The following CROCC variants were observed in gnomAD, a reference collection of about 807,000 sequenced individuals.
CROCC encodes rootletin.
A neutral mutation model predicts 245.2 loss-of-function variants in CROCC; 180 were observed. The observed-to-expected ratio is 0.73, with a 90% CI of 0.65 to 0.83. The LOEUF is 0.83. Among genes scored for constraint, CROCC ranks in the 40% least tolerant of loss-of-function variants. CROCC has a pLI of 0.00. For missense variants in CROCC, 2,688 were observed against 2,779.4 expected (o/e 0.97, Z 0.74); for synonymous variants, 1,205 against 1,241.6 (o/e 0.97, Z 0.62).
At position 16,935,191 on chromosome 1, in the gene CROCC, C is replaced by G. The variant is rs77963961; in HGVS notation, c.957-1446C>G. Reference sequence around the variant, plus strand: ...CTGGGATTACAGGCATGAGCCACCACGCCTGGCCTATCAGTTTCTTAAGTG... The same window carrying G: ...CTGGGATTACAGGCATGAGCCACCAGGCCTGGCCTATCAGTTTCTTAAGTG... On this transcript the variant is annotated intron_variant, in intron 8 of 36. Transcript: ENST00000375541. 4.6e-5 allele frequency among the ~76,000 whole-genome samples: 7 copies of G among 152,342 alleles called. No individual in the cohort carries two copies. The South Asian group carries it at 8.3e-4, about 18-fold the overall frequency.
chr1:16,928,005 T>C (rs1330188498), intron 3 of CROCC, among the ~76,000 whole-genome samples: 3 of 152,258 alleles, frequency 2.0e-5, no homozygotes, highest in African/African-American at 4.8e-5. Flanking sequence ...TCTCTCAGCA[T>C]ATGGGGTCAA....
chr1:16,916,754 C>T (rs539041237), intron 1 of CROCC, among the ~76,000 whole-genome samples: 12 of 152,410 alleles, frequency 7.9e-5, no homozygotes, highest in African/African-American at 2.6e-4. Flanking sequence ...CTCAGGCAGT[C>T]CTCCTACCTT....
At chr1:16,955,202 A>G in intron 23 of CROCC, 110 bp from the exon 24 acceptor site, 1 of 993,536 alleles carries the variant, frequency 1.0e-6, no homozygotes, top group Non-Finnish European at 1.5e-6. Flanking sequence ...CGGTCTGAGC[A>G]CTGCAGAGGG....
rs750293462 is a variant in CROCC, at chr1:16,969,915, A to T, written c.5432A>T (p.Gln1811Leu). The T allele has an allele frequency of 1.3e-6, 2 of 1,599,116 alleles. No individual in the cohort carries two copies. The highest frequency in any genetic ancestry group is 2.3e-5 in the South Asian group (2 of 87,938). The change falls in exon 33 of 37, where the codon CAG becomes CTG. Residue 1811 changes from glutamine to leucine, a missense_variant. Physicochemically the swap from Gln to Leu is moderately radical, Grantham distance 113. This residue lies in a region of CROCC where 1,218 missense variants were observed against 1,286.3 expected (regional missense o/e 0.95). Coordinates refer to ENST00000375541, the MANE Select transcript of CROCC (RefSeq NM_014675.5). Reference protein sequence around the residue: ...LELQRVEAEGQLQQLREVLRQ... With the variant: ...LELQRVEAEGLLQQLREVLRQ... The stretch of plus-strand genomic sequence containing the variant: ...CTGCAGCGGGTGGAGGCCGAGGGCC[A>T]GCTACAACAGCTACGGGAGGTGAGG...
At chr1:16,936,010 GT>G (rs1392058647) in intron 8 of CROCC, among the ~76,000 whole-genome samples, 1 of 146,066 alleles carries the variant, frequency 6.8e-6, no homozygotes, top group African/African-American at 2.6e-5. Context: ...CACCAGCTGA[GT>G]AGGGGAGGGC....
chr1:16,916,842 G>T (rs1390358210), intron 1 of CROCC, among the ~76,000 whole-genome samples: 1 of 152,298 alleles, frequency 6.6e-6, no homozygotes, highest in Non-Finnish European at 1.5e-5. Context: ...TCTGGGCTGG[G>T]CGCAGTGGCT....
intron 1 of CROCC, among the ~76,000 whole-genome samples, chr1:16,915,093 C>CTTGGCTGAA (rs1195820680): frequency 6.6e-6 from 1 of 152,254 alleles, no homozygotes; most frequent in Non-Finnish European, 1.5e-5. Context: ...CCAAGTCTTT[C>CTTGGCTGAA]AGCCCTTTCC....
intron 2 of CROCC, among the ~76,000 whole-genome samples, chr1:16,923,133 A>C (rs2075447151): frequency 6.6e-6 from 1 of 152,276 alleles, no homozygotes; most frequent in Admixed American, 6.5e-5. Flanking sequence ...GGAAGAGGGC[A>C]GCTCAGCTCA....
intron 27 of CROCC, among the ~76,000 whole-genome samples, chr1:16,962,114 G>T (rs1349490216): frequency 6.6e-6 from 1 of 151,482 alleles, no homozygotes; most frequent in Non-Finnish European, 1.5e-5. Flanking sequence ...CCAAGCTGGA[G>T]TGCAGTAGCA....
At position 16,931,304 on chromosome 1, in the gene CROCC, A is replaced by G. The variant is rs958748343; in HGVS notation, c.863A>G (p.Tyr288Cys). Residue 288 changes from tyrosine to cysteine, a missense_variant, in exon 8 of 37, where the codon TAC becomes TGC. Physicochemically the swap from Tyr to Cys is radical, Grantham distance 194 (BLOSUM62 -2). Around this residue, in one of 9 missense-constraint regions of CROCC, gnomAD observed 972 missense variants for 895.3 expected, o/e 1.09. Coordinates refer to ENST00000375541, the MANE Select transcript of CROCC (RefSeq NM_014675.5). ...WRREEESFNAYFSNEHSRLLL... is the reference protein window; with the variant it reads ...WRREEESFNACFSNEHSRLLL... The stretch of plus-strand genomic sequence containing the variant: ...TCTTCCCTCCAGTCCTTCAACGCCT[A>G]CTTCAGCAACGAGCACAGTCGCCTG... The G allele has an allele frequency of 1.9e-6, 3 of 1,611,280 alleles. No individual in the cohort carries two copies. Among genetic ancestry groups the G allele is most frequent in the Non-Finnish European group, 2.5e-6 (3 of 1,178,162 alleles).
chr1:16,950,392 C>T (rs1041120212), intron 19 of CROCC, among the ~76,000 whole-genome samples: 2 of 151,670 alleles, frequency 1.3e-5, no homozygotes, highest in African/African-American at 4.9e-5. Context: ...GAGTCTCACT[C>T]TTGTTGCCCA....
chr1:16,943,908 A>G (rs545656314), intron 13 of CROCC, among the ~76,000 whole-genome samples, 192 bp from the exon 14 acceptor site: 1 of 152,388 alleles, frequency 6.6e-6, no homozygotes, highest in African/African-American at 2.4e-5. Context: ...AGAGAAGGAA[A>G]GCCAGGTTCT....
At chr1:16,943,231 A>G (rs1388914727) in intron 13 of CROCC, among the ~76,000 whole-genome samples, 2 of 147,914 alleles carry the variant, frequency 1.4e-5, no homozygotes, top group Non-Finnish European at 1.5e-5. Context: ...ACAGAGTGAG[A>G]TGCCGTCTAA....
At chr1:16,948,119 G>A (rs868266371) in intron 17 of CROCC, among the ~76,000 whole-genome samples, 9 of 152,280 alleles carry the variant, frequency 5.9e-5, no homozygotes, top group African/African-American at 2.2e-4. Context: ...ACGCACCACC[G>A]TACCTGGCTG....
intron 8 of CROCC, among the ~76,000 whole-genome samples, chr1:16,934,864 T>A (rs1411252484): frequency 6.6e-6 from 1 of 151,496 alleles, no homozygotes; most frequent in Non-Finnish European, 1.5e-5. Context: ...GGCCACCAAG[T>A]TACCATGAGA....
At chr1:16,953,644 C>T (rs377197506) in intron 21 of CROCC, 163 bp downstream of exon 21, 119,851 of 636,494 alleles carry the variant, frequency 0.19, 12,234 homozygotes, top group African/African-American at 0.31. Context: ...GAAGGGGGTT[C>T]GTGAGGCTTT....
chr1:16,921,334 T>C (rs1338072080), upstream of CROCC, among the ~76,000 whole-genome samples: 1 of 152,280 alleles, frequency 6.6e-6, no homozygotes, highest in South Asian at 2.1e-4. Flanking sequence ...CTAGGGCATT[T>C]GTAGTTCGAG....
intron 15 of CROCC, 28 bp downstream of exon 15, chr1:16,945,634 A>G (rs1457582891): frequency 1.2e-6 from 2 of 1,607,582 alleles, no homozygotes; most frequent in African/African-American, 1.3e-5. Flanking sequence ...GCACAACCAC[A>G]AACCTACCTC....
chr1:16,962,184 C>A (rs1223251108), intron 27 of CROCC, among the ~76,000 whole-genome samples: 2 of 151,524 alleles, frequency 1.3e-5, no homozygotes, highest in Non-Finnish European at 2.9e-5. Context: ...TGCCTCAGCC[C>A]CCTGAGTAGC....
Sources: gnomAD v4.1 joint callset for allele counts (sites outside exome capture counted in the v4.1 genomes callset) on GRCh38, gnomAD v4.1.1 for gene constraint, gnomAD v4.1.1 regional missense constraint, MANE v1.5 for transcripts, NCBI Gene and HGNC (gene_info 2026-07-23, HGNC 2026-07-21) for gene names.